Variants in OGG1 observed in about 807,000 individuals in gnomAD.
The protein encoded by OGG1 is N-glycosylase/DNA lyase.
A neutral mutation model predicts 42.3 loss-of-function variants in OGG1; 35 were observed. That is an observed-to-expected ratio of 0.83 (90% CI 0.63 to 1.10). The LOEUF is 1.10. OGG1 is among the 50% of genes least tolerant of loss of function. OGG1 has a pLI of 0.00. For synonymous variants in OGG1, 189 were observed against 179.0 expected, an observed-to-expected ratio of 1.06 and a Z score of -0.44; for missense variants, 484 against 446.7, an observed-to-expected ratio of 1.08 and a Z score of -0.75.
At chr3:9,789,445 A>G, downstream of OGG1, 1 of 1,461,208 alleles carries the variant, frequency 6.8e-7, no homozygotes, top group Non-Finnish European at 9.5e-7. Flanking sequence ...TGGTAGCTTT[A>G]CTTCTCAGGC....
intron 2 of OGG1, 24 bp downstream of exon 2, chr3:9,751,216 G>T (rs1345533818): frequency 1.2e-6 from 2 of 1,611,756 alleles, no homozygotes; most frequent in Non-Finnish European, 1.7e-6. Flanking sequence ...CTGGGCTGGG[G>T]TTAGGGTTCT....
At chr3:9,756,887 C>A in intron 6 of OGG1, 71 bp downstream of exon 6, 1 of 1,612,348 alleles carries the variant, frequency 6.2e-7, no homozygotes, top group South Asian at 1.1e-5. Flanking sequence ...CTTCCACCAC[C>A]GCCCCAGGTG....
chr3:9,785,616 C>A (rs2078589446), intron 3 of OGG1, among the ~76,000 whole-genome samples: 1 of 152,204 alleles, frequency 6.6e-6, no homozygotes, highest in Non-Finnish European at 1.5e-5. Context: ...TATTTTCGTA[C>A]TGATGTGAAG....
exon 3 of OGG1, chr3:9,781,579 G>T: frequency 4.4e-6 from 2 of 456,524 alleles, no homozygotes; most frequent in Non-Finnish European, 8.8e-6. Flanking sequence ...CTAAGGTCTA[G>T]GCAGCCTGAG....
At chr3:9,761,381 A>G (rs1035445564), downstream of OGG1, 1 of 1,420,072 alleles carries the variant, frequency 7.0e-7, no homozygotes, top group African/African-American at 1.4e-5. Context: ...GGGCAGAGGG[A>G]GAGCAGAGGA....
chr3:9,750,650 C>CT (rs1217930432), intron 1 of OGG1: 38 of 721,196 alleles, frequency 5.3e-5, no homozygotes, highest in Non-Finnish European at 8.2e-5. Context: ...ACTTGTTTTT[C>CT]TTTTTTTGAG....
chr3:9,766,648 AAAGTT>A, exon 8 of OGG1: 10 of 1,054,696 alleles, frequency 9.5e-6, no homozygotes, highest in Non-Finnish European at 1.2e-5. Context: ...TCATTTAACT[AAAGTT>A]AACTGATTAA....
downstream of OGG1, chr3:9,761,635 G>C: frequency 6.2e-7 from 1 of 1,614,070 alleles, no homozygotes; most frequent in Non-Finnish European, 8.5e-7. Context: ...CCGCACCCAC[G>C]TATCCCGGAG....
intron 2 of OGG1, among the ~76,000 whole-genome samples, chr3:9,779,574 G>A (rs900541202): frequency 3.3e-5 from 5 of 152,008 alleles, no homozygotes; most frequent in African/African-American, 1.2e-4. Flanking sequence ...GTTAATGGGT[G>A]CAGCACACCA....
rs533431391 is a variant in OGG1, at chr3:9,787,497, CCT to C, written c.383-230_383-229del. ...GTAAGAAAGTACAACGAAGATAAAA[CCT>C]GTACTTCACACTCTAGTAAGGGAGA... is the stretch of plus-strand genomic sequence containing the variant. On this transcript the variant is annotated intron_variant, in intron 3 of 3. Transcript: ENST00000426518. 1,896 of 1,130,294 alleles carry C rather than the reference CCT, an allele frequency of 1.7e-3. 20 individuals are homozygous for C. In the African/African-American group the frequency reaches 0.027, roughly 16 times the overall value. The allele number at this position is 1,130,294 out of a possible 1,614,324, so 70.0% of individuals were successfully genotyped here.
At chr3:9,777,119 C>A (rs1472680337) in intron 2 of OGG1, among the ~76,000 whole-genome samples, 2 of 152,136 alleles carry the variant, frequency 1.3e-5, no homozygotes, top group African/African-American at 4.8e-5. Context: ...TGGGTCAGAG[C>A]TCACCCTCCC....
intron 3 of OGG1, chr3:9,787,393 C>CTCCA (rs1553708763): frequency 2.6e-6 from 4 of 1,547,102 alleles, no homozygotes; most frequent in African/African-American, 1.4e-5. Context: ...GCCAGCCATG[C>CTCCA]TTCATTCATT....
At chr3:9,773,360 A>G (rs2078325170) in intron 2 of OGG1, among the ~76,000 whole-genome samples, 1 of 151,966 alleles carries the variant, frequency 6.6e-6, no homozygotes, top group Non-Finnish European at 1.5e-5. Context: ...AAACCCTGTT[A>G]TCTTTTGTAT....
intron 1 of OGG1, 32 bp downstream of exon 1, chr3:9,750,455 T>G: frequency 6.2e-7 from 1 of 1,612,480 alleles, no homozygotes; most frequent in Non-Finnish European, 8.5e-7. Flanking sequence ...GCCTGTCCCC[T>G]CGGACTGGCT....
rs1479670042 is a variant in OGG1, at chr3:9,784,888, AAAAG to A, written c.383-2836_383-2833del. Among the ~76,000 whole-genome samples, 23 of 152,188 alleles carry A rather than the reference AAAAG, an allele frequency of 1.5e-4. No individual in the cohort carries two copies. In the South Asian group the frequency reaches 4.3e-3, roughly 29 times the overall value. ...TCAAAAAAAAAAAAAGAAAAAGAAA[AAAAG>A]AAATATATTTTAAGTAAAAATAGTA... On this transcript the variant is annotated intron_variant, in intron 3 of 3. Transcript: ENST00000426518.
At chr3:9,785,287 C>A (rs778554893) in intron 3 of OGG1, 3 of 1,561,248 alleles carry the variant, frequency 1.9e-6, no homozygotes, top group Non-Finnish European at 2.6e-6. Flanking sequence ...GGGGGCCAGA[C>A]TGTGGGTTGT....
chr3:9,751,165 T>C lies in OGG1; in HGVS notation c.358T>C (p.Phe120Leu). The C allele has an allele frequency of 6.2e-7, 1 of 1,614,132 alleles. No homozygotes were observed. Among genetic ancestry groups the C allele is most frequent in the Non-Finnish European group, 8.5e-7 (1 of 1,180,002 alleles). Residue 120 changes from phenylalanine (F) to leucine (L), a missense_variant, in exon 2 of 7, where the codon TTC becomes CTC. Physicochemically the swap from Phe to Leu is conservative, Grantham distance 22. Transcript: ENST00000344629. ...CCACTGGGGTTCCGTGGACTCCCAC[T>C]TCCAAGAGGTGGCTCAGAAATTCCA... Reference protein sequence around the residue: ...YHHWGSVDSHFQEVAQKFQGV... With the variant: ...YHHWGSVDSHLQEVAQKFQGV...
chr3:9,772,586 A>G (rs560414413), intron 2 of OGG1, among the ~76,000 whole-genome samples: 7 of 152,156 alleles, frequency 4.6e-5, no homozygotes, highest in African/African-American at 1.7e-4. Flanking sequence ...CAGCTTTCCA[A>G]TTAAACACAG....
chr3:9,789,759 C>T (rs758526908), downstream of OGG1: 1 of 1,614,192 alleles, frequency 6.2e-7, no homozygotes, highest in Non-Finnish European at 8.5e-7. Context: ...TCGATAGGGT[C>T]ATCAGTGAAT....
Sources: allele counts gnomAD v4.1 joint callset (sites outside exome capture counted in the v4.1 genomes callset), GRCh38; gene constraint gnomAD v4.1.1; transcripts MANE v1.5; gene names NCBI Gene and HGNC (gene_info 2026-07-23, HGNC 2026-07-21).